Variants in NOX4 observed in about 807,000 individuals in gnomAD.
The protein encoded by NOX4 is kidney oxidase-1.
In NOX4, 69 loss-of-function variants were observed where a neutral mutation model predicts 87.6. That is an observed-to-expected ratio of 0.79 (90% CI 0.65 to 0.96). NOX4 has a LOEUF of 0.96. Ranked by LOEUF, NOX4 falls within the 40% of genes least tolerant of loss-of-function variation. NOX4 has a pLI of 0.00. For synonymous variants in NOX4, 275 were observed against 238.2 expected, an observed-to-expected ratio of 1.15 and a Z score of -1.42; for missense variants, 680 against 681.5, an observed-to-expected ratio of 1.00 and a Z score of 0.02.
intron 11 of NOX4, among the ~76,000 whole-genome samples, chr11:89,387,932 C>G (rs988447572): frequency 1.8e-4 from 28 of 152,258 alleles, no homozygotes; most frequent in African/African-American, 6.3e-4. Flanking sequence ...ACGTTACATT[C>G]TACACAGGTT....
chr11:89,504,359 A>G, the NOX4 span, among the ~76,000 whole-genome samples: 1 of 151,982 alleles, frequency 6.6e-6, no homozygotes, highest in Non-Finnish European at 1.5e-5. Context: ...ATACAAAAAT[A>G]TAATATATGG....
At chr11:89,570,868 A>C in the NOX4 span, among the ~76,000 whole-genome samples, 5 of 152,236 alleles carry the variant, frequency 3.3e-5, no homozygotes, top group Non-Finnish European at 7.3e-5. Context: ...TGTATGGCTC[A>C]ATACTTTATC....
At chr11:89,385,691 G>C (rs1227392272) in intron 11 of NOX4, among the ~76,000 whole-genome samples, 1 of 152,022 alleles carries the variant, frequency 6.6e-6, no homozygotes, top group Non-Finnish European at 1.5e-5. Flanking sequence ...GGATTTTTCA[G>C]GCCCCCTCCC....
chr11:89,489,736 AAAAAG>A (rs944033230), intron 2 of NOX4, among the ~76,000 whole-genome samples: 5 of 151,338 alleles, frequency 3.3e-5, no homozygotes, highest in African/African-American at 9.7e-5. Flanking sequence ...TCAAAAAAAA[AAAAAG>A]AAAGAAAGAA....
At chr11:89,498,174 C>T (rs1405962704) in exon 1 of NOX4, 1 of 152,102 alleles carries the variant, frequency 6.6e-6, no homozygotes, top group African/African-American at 2.4e-5. Flanking sequence ...GTTTCTCCAA[C>T]TAGACTAGAA....
At chr11:89,405,128 G>C (rs1300237562) in intron 8 of NOX4, among the ~76,000 whole-genome samples, 2 of 150,184 alleles carry the variant, frequency 1.3e-5, no homozygotes, top group South Asian at 4.2e-4. Flanking sequence ...GAATGGGGCT[G>C]CTTATAATTT....
At chr11:89,351,796 A>G (rs1386388616) in intron 13 of NOX4, among the ~76,000 whole-genome samples, 2 of 152,198 alleles carry the variant, frequency 1.3e-5, no homozygotes, top group Non-Finnish European at 2.9e-5. Context: ...AAGTGTTACT[A>G]CTCACATAGG....
At chr11:89,586,110 ACT>A in the NOX4 span, among the ~76,000 whole-genome samples, 3 of 151,430 alleles carry the variant, frequency 2.0e-5, no homozygotes, top group Admixed American at 6.6e-5. Context: ...AATTTATAAC[ACT>A]CTCTCACTAC....
chr11:89,583,335 A>G, the NOX4 span, among the ~76,000 whole-genome samples: 1 of 152,160 alleles, frequency 6.6e-6, no homozygotes, highest in Non-Finnish European at 1.5e-5. Flanking sequence ...ATGGTTATTA[A>G]CTAACAGACT....
the NOX4 span, among the ~76,000 whole-genome samples, chr11:89,527,374 C>A: frequency 1.3e-5 from 2 of 152,148 alleles, no homozygotes; most frequent in Admixed American, 6.5e-5. Context: ...GAAATTCAAG[C>A]CTGCTGCAGA....
Position 89,402,620 on chromosome 11 carries a change from T to G in NOX4, c.630-78A>C, listed in dbSNP as rs1332861791. 3 of 1,026,374 alleles carry G rather than the reference T, an allele frequency of 2.9e-6. No homozygotes were observed. In the African/African-American group the frequency reaches 4.8e-5, roughly 16 times the overall value. 63.6% of individuals were successfully genotyped at this position (1,026,374 alleles called of 1,614,324 possible). Reference sequence around the variant, plus strand: ...GGGGACACGGTAAAAGAAAATAATGTTTTTGTTTTTGTTTTTGTTTGCTAA... The same window carrying G: ...GGGGACACGGTAAAAGAAAATAATGGTTTTGTTTTTGTTTTTGTTTGCTAA... On this transcript the variant is annotated intron_variant, in intron 8 of 17. Transcript: ENST00000263317.
In NOX4 at chr11:89,440,668, G is replaced by T; in HGVS notation, c.475+20C>A. 1.3e-6 allele frequency: 2 copies of T among 1,526,754 alleles called. No homozygotes were observed. Among genetic ancestry groups the T allele is most frequent in the Non-Finnish European group, 1.8e-6 (2 of 1,119,760 alleles). The allele number at this position is 1,526,754 out of a possible 1,614,324, so 94.6% of individuals were successfully genotyped here. A position where few individuals can be genotyped will look rare whatever the true frequency, so the allele number is the denominator to read the frequency against. Reference sequence around the variant, plus strand: ...AAGATGTTCCTAAACCTAAAGAAAAGGCTAAGAATAACAACTTACCAGTTG... The same window carrying T: ...AAGATGTTCCTAAACCTAAAGAAAATGCTAAGAATAACAACTTACCAGTTG... On this transcript the variant is annotated intron_variant, in intron 6 of 17. Transcript: ENST00000263317.
chr11:89,498,488 C>T (rs756964294), upstream of NOX4, among the ~76,000 whole-genome samples: 4 of 152,126 alleles, frequency 2.6e-5, no homozygotes, highest in Admixed American at 1.3e-4. Flanking sequence ...AGTATGTTGA[C>T]TTGCGTTAAT....
At chr11:89,484,764 C>G (rs143670647) in intron 2 of NOX4, among the ~76,000 whole-genome samples, 106 of 152,116 alleles carry the variant, frequency 7.0e-4, no homozygotes, top group Non-Finnish European at 1.3e-3. Flanking sequence ...ACCCATTTCA[C>G]CCATCAATAA....
At chr11:89,513,642 C>A in the NOX4 span, among the ~76,000 whole-genome samples, 1 of 151,882 alleles carries the variant, frequency 6.6e-6, no homozygotes, top group African/African-American at 2.4e-5. Flanking sequence ...CTCTAGAGAA[C>A]CCTGACTAAT....
At chr11:89,389,045 T>C (rs913229941) in intron 11 of NOX4, among the ~76,000 whole-genome samples, 1 of 152,212 alleles carries the variant, frequency 6.6e-6, no homozygotes, top group African/African-American at 2.4e-5. Context: ...CAGGTCTCCA[T>C]CCCAAGCTGT....
At chr11:89,403,550 A>C (rs1198537573) in intron 8 of NOX4, among the ~76,000 whole-genome samples, 1 of 152,050 alleles carries the variant, frequency 6.6e-6, no homozygotes, top group Non-Finnish European at 1.5e-5. Flanking sequence ...GACCAGCCTG[A>C]CCAACAGGGA....
chr11:89,346,206 A>C (rs1946209160), intron 13 of NOX4, among the ~76,000 whole-genome samples: 1 of 152,212 alleles, frequency 6.6e-6, no homozygotes, highest in Non-Finnish European at 1.5e-5. Context: ...ATCTAATGCA[A>C]TCTCATGTTA....
the NOX4 span, among the ~76,000 whole-genome samples, chr11:89,536,838 C>T: frequency 1.6e-4 from 24 of 152,142 alleles, no homozygotes; most frequent in Non-Finnish European, 3.1e-4. Context: ...AAGTCAATTG[C>T]CCAATGTATG....
Sources: allele counts gnomAD v4.1 joint callset (sites outside exome capture counted in the v4.1 genomes callset), GRCh38; gene constraint gnomAD v4.1.1; transcripts MANE v1.5; gene names NCBI Gene and HGNC (gene_info 2026-07-23, HGNC 2026-07-21).